The following TMEM255A variants were observed in gnomAD, a reference collection of about 807,000 sequenced individuals.
The protein encoded by TMEM255A is transmembrane protein 255A.
TMEM255A carries 14 observed loss-of-function variants against 23.5 expected under a neutral mutation model. The observed-to-expected ratio is 0.60, with a 90% confidence interval of 0.39 to 0.93. TMEM255A has a LOEUF of 0.93. Among genes scored for constraint, TMEM255A ranks in the 40% least tolerant of loss-of-function variants. TMEM255A has a pLI of 0.00. For synonymous variants in TMEM255A, 104 were observed against 100.3 expected, an observed-to-expected ratio of 1.04 and a Z score of -0.22; for missense variants, 233 against 261.7, an observed-to-expected ratio of 0.89 and a Z score of 0.76.
the TMEM255A span, chrX:120,253,518 A>C: frequency 8.3e-7 from 1 of 1,210,325 alleles, no homozygotes; most frequent in Non-Finnish European, 1.1e-6. Flanking sequence ...CTGTGATGTT[A>C]CCGTTATTGT....
chrX:120,278,651 G>T (rs1470091421), intron 6 of TMEM255A, among the ~76,000 whole-genome samples: 1 of 111,999 alleles, frequency 8.9e-6, no homozygotes, highest in Non-Finnish European at 1.9e-5. Flanking sequence ...AAGTCACAAC[G>T]AAACGCCCTG....
chrX:120,272,644 C>T (rs372283155), intron 7 of TMEM255A, among the ~76,000 whole-genome samples: 27 of 111,586 alleles, frequency 2.4e-4, no homozygotes, highest in African/African-American at 8.8e-4. Flanking sequence ...CCTGCTTCTC[C>T]TTCTGCCATG....
chrX:120,267,903 G>A (rs1019583263), intron 8 of TMEM255A, among the ~76,000 whole-genome samples: 2 of 111,259 alleles, frequency 1.8e-5, no homozygotes, highest in Non-Finnish European at 3.8e-5. Context: ...GGGGTCCATG[G>A]TAGTGTACTA....
At chrX:120,253,378 A>C in the TMEM255A span, 3 of 1,135,746 alleles carry the variant, frequency 2.6e-6, no homozygotes. Flanking sequence ...TTTTCTCTCT[A>C]ATCCTCTCCC....
intron 4 of TMEM255A, among the ~76,000 whole-genome samples, chrX:120,290,194 A>G (rs925494676): frequency 7.1e-5 from 8 of 112,105 alleles, no homozygotes; most frequent in African/African-American, 9.7e-5. Context: ...TGTGAATTAT[A>G]TCTCAATAAA....
rs2057687959 is a variant in TMEM255A at position 120,262,666 on chromosome X, T to C, written c.820-1638A>G. On this transcript the variant is annotated intron_variant, in intron 8 of 8. Transcript: ENST00000371369. ...CCTCCTCTCCCTCCCTCCTGTTCTG[T>C]TGCTTTCCTCAACTAAGAACTCTCT... 2.7e-5 allele frequency among the ~76,000 whole-genome samples: 3 copies of C among 112,097 alleles called. No homozygotes were observed. The South Asian group carries it at 1.1e-3, about 42-fold the overall frequency.
chrX:120,295,772 C>T (rs1473663584), intron 2 of TMEM255A, among the ~76,000 whole-genome samples: 1 of 111,922 alleles, frequency 8.9e-6, no homozygotes, highest in Admixed American at 9.5e-5. Context: ...GTAGTGACTA[C>T]CTTATAGGGC....
rs781945782 is a variant in TMEM255A, at chrX:120,279,185, G to A, written c.513-2138C>T. On this transcript the variant is annotated intron_variant, in intron 6 of 8. Transcript: ENST00000371369. ...AGACAGAGTCTTACTATATTGGCCA[G>A]GCTGGTCTTGAACTCCTGGCATCAA... Among the ~76,000 whole-genome samples, 3 of 111,871 alleles carry A rather than the reference G, an allele frequency of 2.7e-5. No homozygotes were observed. In the East Asian group the frequency reaches 8.4e-4, roughly 31 times the overall value.
chrX:120,291,164 A>G, intron 4 of TMEM255A, 87 bp downstream of exon 4: 1 of 758,658 alleles, frequency 1.3e-6, no homozygotes, highest in South Asian at 2.3e-5. Context: ...TCATGACACT[A>G]AGCAAAGGAC....
rs1440371343 is a variant in TMEM255A at position 120,260,215 on chromosome X, T to G, written c.*655A>C. ...CGGAACAATACATCCTGTTCCCCAC[T>G]ACTGAAGATGCAAGAATATTGCACT... is the stretch of plus-strand genomic sequence containing the variant. On this transcript the variant is annotated 3_prime_UTR_variant, in exon 9 of 9. Transcript: ENST00000371369. 4 of 750,956 alleles carry G rather than the reference T, an allele frequency of 5.3e-6. No individual in the cohort carries two copies. The highest frequency in any genetic ancestry group is 6.3e-6 in the Non-Finnish European group (4 of 636,977). 61.9% of individuals were successfully genotyped at this position (750,956 alleles called of 1,213,427 possible).
At chrX:120,254,089 C>G (rs990480184), downstream of TMEM255A, 1 of 1,211,462 alleles carries the variant, frequency 8.3e-7, no homozygotes, top group Non-Finnish European at 1.1e-6. Flanking sequence ...GGCCCTGTTG[C>G]TATTTCAGAT....
At chrX:120,262,438 T>C (rs1049145042) in intron 8 of TMEM255A, among the ~76,000 whole-genome samples, 2 of 111,571 alleles carry the variant, frequency 1.8e-5, no homozygotes, top group African/African-American at 6.5e-5. Context: ...CATCCATTAT[T>C]TCACTCCAAA....
intron 1 of TMEM255A, chrX:120,309,979 G>T (rs1281982313): frequency 1.8e-5 from 2 of 111,252 alleles, no homozygotes; most frequent in African/African-American, 6.6e-5. Flanking sequence ...CACTTTCTGG[G>T]GCCCCTCCGG....
chrX:120,275,784 ATTTTT>A (rs11342181), intron 7 of TMEM255A, among the ~76,000 whole-genome samples: 7 of 60,248 alleles, frequency 1.2e-4, no homozygotes, highest in Non-Finnish European at 1.9e-4. Context: ...GAGCCCAAGC[ATTTTT>A]TTTTTTTTTT....
chrX:120,268,138 C>T, intron 8 of TMEM255A, 106 bp downstream of exon 8: 1 of 927,344 alleles, frequency 1.1e-6, no homozygotes, highest in Non-Finnish European at 1.5e-6. Context: ...CTACCTCATA[C>T]ATATGCAGAC....
chrX:120,308,739 G>T (rs782238331), intron 1 of TMEM255A, among the ~76,000 whole-genome samples: 1 of 111,982 alleles, frequency 8.9e-6, no homozygotes, highest in African/African-American at 3.3e-5. Context: ...GCGCCTGGGG[G>T]CGGTGTTGCC....
intron 2 of TMEM255A, among the ~76,000 whole-genome samples, chrX:120,298,610 T>C (rs367768462): frequency 6.6e-4 from 73 of 111,237 alleles, no homozygotes; most frequent in African/African-American, 2.3e-3. Context: ...GTGGTATATG[T>C]ATTGTATAAT....
chrX:120,300,735 C>T (rs2058028739), intron 2 of TMEM255A, among the ~76,000 whole-genome samples: 2 of 107,395 alleles, frequency 1.9e-5, no homozygotes, highest in African/African-American at 6.8e-5. Flanking sequence ...TTATTTGAGA[C>T]AGTCTTGCTT....
In TMEM255A at chrX:120,261,031, G is replaced by A. The variant is rs781891881; in HGVS notation, c.820-3C>T. The A allele has an allele frequency of 2.5e-6, 3 of 1,186,685 alleles. No individual in the cohort carries two copies. Among genetic ancestry groups the A allele is most frequent in the African/African-American group, 1.8e-5 (1 of 55,895 alleles). On this transcript the variant is annotated splice_region_variant and splice_polypyrimidine_tract_variant and intron_variant, in intron 8 of 8. Coordinates refer to ENST00000371369, the MANE Select transcript of TMEM255A (RefSeq NM_001104544.3). ...GAGGATGGAAAGACACCGGAATGCT[G>A]TGTGATAAAAAGAAAACGTTAGTTT...
Sources: gnomAD v4.1 joint callset for allele counts (sites outside exome capture counted in the v4.1 genomes callset) on GRCh38, gnomAD v4.1.1 for gene constraint, MANE v1.5 for transcripts, NCBI Gene and HGNC (gene_info 2026-07-23, HGNC 2026-07-21) for gene names.